SRGAP2: variants seen among roughly 807,000 people sequenced by gnomAD.
SRGAP2 encodes the protein SLIT-ROBO Rho GTPase-activating protein 2.
A neutral mutation model predicts 57.2 loss-of-function variants in SRGAP2; 15 were observed. The observed-to-expected ratio is 0.26, with a 90% CI of 0.18 to 0.40. The LOEUF is 0.40. Among genes scored for constraint, SRGAP2 ranks in the 10% least tolerant of loss-of-function variants. The probability of loss-of-function intolerance (pLI) is 1.00; values close to 1 mark genes in which losing one functional copy is unlikely to be tolerated. For missense variants in SRGAP2, 520 were observed against 669.6 expected (o/e 0.78, Z 2.47); for synonymous variants, 249 against 248.0 (o/e 1.00, Z -0.04).
intron 3 of SRGAP2, among the ~76,000 whole-genome samples, chr1:206,318,004 AG>A (rs1431863827): frequency 2.7e-5 from 4 of 145,984 alleles, no homozygotes; most frequent in Non-Finnish European, 4.5e-5. Flanking sequence ...CAGTCGGGAC[AG>A]GGCATCCTTG....
chr1:206,418,886 CTCTGTG>C (rs1309450510), intron 11 of SRGAP2, among the ~76,000 whole-genome samples: 158 of 107,400 alleles, frequency 1.5e-3, no homozygotes, highest in African/African-American at 6.7e-3. Flanking sequence ...CTCCAACTCT[CTCTGTG>C]TGTGTGTGTG....
chr1:206,354,400 C>T (rs563806485), intron 4 of SRGAP2, among the ~76,000 whole-genome samples: 1 of 152,244 alleles, frequency 6.6e-6, no homozygotes, highest in African/African-American at 2.4e-5. Flanking sequence ...AAGGCATGGC[C>T]TTTCTGGGGT....
chr1:206,416,772 C>A (rs958584868), intron 11 of SRGAP2, among the ~76,000 whole-genome samples: 9 of 152,156 alleles, frequency 5.9e-5, no homozygotes, highest in Admixed American at 1.3e-4. Context: ...CCGCCCCCCC[C>A]TCCCTGCCCC....
chr1:206,462,227 C>G lies in SRGAP2; in HGVS notation c.*807C>G, dbSNP rs916266466. On this transcript the variant is annotated 3_prime_UTR_variant, in exon 23 of 23. Coordinates refer to ENST00000573034, the MANE Select transcript of SRGAP2 (RefSeq NM_015326.5). The stretch of plus-strand genomic sequence containing the variant: ...TCTCCTCCATCCCCTAGAAGTACAC[C>G]CCCGTCTTATTAAGGAGCTTTTAAA... 1 of 152,578 alleles carries G rather than the reference C, an allele frequency of 6.6e-6. No homozygotes were observed. Among genetic ancestry groups the G allele is most frequent in the Non-Finnish European group, 1.5e-5 (1 of 68,046 alleles). 9.5% of individuals were successfully genotyped at this position (152,578 alleles called of 1,614,324 possible). A position where few individuals can be genotyped will look rare whatever the true frequency, so the allele number is the denominator to read the frequency against.
chr1:206,242,339 C>G (rs1240362100), intron 2 of SRGAP2, among the ~76,000 whole-genome samples: 1 of 152,032 alleles, frequency 6.6e-6, no homozygotes, highest in Non-Finnish European at 1.5e-5. Context: ...CTGCCACACT[C>G]CCAGTTAGAG....
At chr1:206,304,284 C>T (rs1208199803) in intron 3 of SRGAP2, among the ~76,000 whole-genome samples, 2 of 141,096 alleles carry the variant, frequency 1.4e-5, no homozygotes, top group African/African-American at 5.6e-5. Flanking sequence ...GAAATCTGGG[C>T]CCCACTCCAG....
At chr1:206,373,099 CTTTTTTTT>C (rs1192726235) in intron 4 of SRGAP2, among the ~76,000 whole-genome samples, 1 of 66,424 alleles carries the variant, frequency 1.5e-5, no homozygotes, top group Non-Finnish European at 3.2e-5. Flanking sequence ...CTTTTTTTTT[CTTTTTTTT>C]TTTTTTTTTT....
At chr1:206,437,738 T>G (rs934528532) in intron 15 of SRGAP2, 1 of 528,998 alleles carries the variant, frequency 1.9e-6, no homozygotes, top group Non-Finnish European at 3.4e-6. Context: ...ACAAGAGAGT[T>G]TATATTGGTG....
In SRGAP2 at chr1:206,422,063, C is replaced by T. The variant is rs541372687; in HGVS notation, c.1494+789C>T. ...GCTATGCAGTAGACAGCAGGGAGGG[C>T]GGGTGGAGAGAGCTCAGAAATGTCT... On this transcript the variant is annotated intron_variant, in intron 13 of 22. Coordinates refer to ENST00000573034, the MANE Select transcript of SRGAP2 (RefSeq NM_015326.5). Among the ~76,000 whole-genome samples, 6 of 152,246 alleles carry T rather than the reference C, an allele frequency of 3.9e-5. No individual in the cohort carries two copies. The South Asian group carries it at 8.3e-4, about 21-fold the overall frequency.
chr1:206,432,977 C>T (rs782102531), intron 14 of SRGAP2, among the ~76,000 whole-genome samples: 2 of 152,096 alleles, frequency 1.3e-5, no homozygotes, highest in African/African-American at 4.8e-5. Flanking sequence ...TTTGCTAGCA[C>T]AAGAAAAGAT....
rs3841378 is a variant in SRGAP2 at position 206,463,148 on chromosome 1, AT to A, written c.*1741del. The A allele has an allele frequency of 0.66, 98,750 of 150,042 alleles. 32,710 individuals are homozygous for A. Among genetic ancestry groups the A allele is most frequent in the East Asian group, 0.91 (4,676 of 5,116 alleles). 9.3% of individuals were successfully genotyped at this position (150,042 alleles called of 1,614,324 possible). ...AGTTAGGTCTATGGAAAGTGGTAGG[AT>A]TTTTTTTTTTTTAATCCTGTGCAAA... On this transcript the variant is annotated 3_prime_UTR_variant, in exon 23 of 23. Coordinates refer to ENST00000573034, the MANE Select transcript of SRGAP2 (RefSeq NM_015326.5).
intron 2 of SRGAP2, among the ~76,000 whole-genome samples, chr1:206,213,686 G>A (rs1464983051): frequency 2.6e-5 from 4 of 152,150 alleles, no homozygotes; most frequent in Admixed American, 1.3e-4. Context: ...TTGAGAGGCC[G>A]AGGCAGACGG....
chr1:206,346,315 G>A (rs1482880671), intron 4 of SRGAP2, among the ~76,000 whole-genome samples: 1 of 152,142 alleles, frequency 6.6e-6, no homozygotes, highest in African/African-American at 2.4e-5. Flanking sequence ...GATCTCCATG[G>A]TGCCTTCCAA....
intron 14 of SRGAP2, 108 bp downstream of exon 14, chr1:206,430,330 A>G: frequency 1.4e-6 from 1 of 725,076 alleles, no homozygotes; most frequent in Non-Finnish European, 2.6e-6. Context: ...TGGCATTCTC[A>G]GAAAAGGAAT....
intron 19 of SRGAP2, among the ~76,000 whole-genome samples, chr1:206,452,671 G>A (rs1045689639): frequency 3.3e-5 from 5 of 152,122 alleles, no homozygotes; most frequent in South Asian, 2.1e-4. Context: ...GGCAGATCAC[G>A]AGGTCAGGAG....
At chr1:206,270,671 A>G (rs1670132727) in intron 2 of SRGAP2, among the ~76,000 whole-genome samples, 1 of 138,184 alleles carries the variant, frequency 7.2e-6, no homozygotes, top group Non-Finnish European at 1.5e-5. Flanking sequence ...GAAGGGGCAG[A>G]TTGATATGTA....
chr1:206,434,860 T>C (rs1661587630), intron 14 of SRGAP2, among the ~76,000 whole-genome samples: 1 of 152,236 alleles, frequency 6.6e-6, no homozygotes, highest in Non-Finnish European at 1.5e-5. Flanking sequence ...ATGATGACGC[T>C]CTTTCAAGAA....
chr1:206,304,656 C>T (rs1672083515), intron 3 of SRGAP2, among the ~76,000 whole-genome samples: 1 of 149,862 alleles, frequency 6.7e-6, no homozygotes. Flanking sequence ...CTGCCTGCTC[C>T]ATTGTGATCG....
chr1:206,261,992 C>A (rs1669582856), intron 2 of SRGAP2, among the ~76,000 whole-genome samples: 1 of 152,168 alleles, frequency 6.6e-6, no homozygotes, highest in Admixed American at 6.5e-5. Flanking sequence ...GTTTAATCAG[C>A]ATTAACGCAC....
Sources: gnomAD v4.1 joint callset for allele counts (sites outside exome capture counted in the v4.1 genomes callset) on GRCh38, gnomAD v4.1.1 for gene constraint, MANE v1.5 for transcripts, NCBI Gene and HGNC (gene_info 2026-07-23, HGNC 2026-07-21) for gene names.